LAMP2: variants seen among roughly 807,000 people sequenced by gnomAD.
LAMP2 encodes lysosome associated membrane protein 2, also known as lysosome-associated membrane glycoprotein 2.
A neutral mutation model predicts 25.6 loss-of-function variants in LAMP2; 4 were observed. The ratio of observed to expected loss-of-function variants is 0.16; its 90% CI spans 0.08 to 0.36. The LOEUF is 0.36. LAMP2 is among the 10% of genes least tolerant of loss of function. The pLI is 1.00. For missense variants in LAMP2, 272 were observed against 301.4 expected, an observed-to-expected ratio of 0.90 and a Z score of 0.72; for synonymous variants, 108 against 112.7, an observed-to-expected ratio of 0.96 and a Z score of 0.27.
intron 6 of LAMP2, among the ~76,000 whole-genome samples, chrX:120,445,406 A>G (rs997720632): frequency 8.0e-5 from 9 of 112,890 alleles, no homozygotes; most frequent in Non-Finnish European, 1.3e-4. Flanking sequence ...TACCAAGATC[A>G]CATATGAAAT....
intron 3 of LAMP2, among the ~76,000 whole-genome samples, chrX:120,454,586 C>T (rs191197779): frequency 2.7e-5 from 3 of 109,188 alleles, no homozygotes; most frequent in African/African-American, 6.7e-5. Context: ...GACACCCCCC[C>T]CAACCCCCGA....
intron 3 of LAMP2, among the ~76,000 whole-genome samples, chrX:120,451,963 T>C (rs984580683): frequency 6.3e-5 from 7 of 111,385 alleles, no homozygotes; most frequent in African/African-American, 2.3e-4. Flanking sequence ...AGTTTTTCTA[T>C]CCAAATATGT....
intron 8 of LAMP2, among the ~76,000 whole-genome samples, chrX:120,440,931 C>T (rs1602531640): frequency 8.9e-6 from 1 of 112,113 alleles, no homozygotes; most frequent in Non-Finnish European, 1.9e-5. Context: ...ACAGTATATT[C>T]GCTTTTAAAC....
In LAMP2 at chrX:120,442,577, C is replaced by A. The variant is rs2058578309; in HGVS notation, c.928+22G>T. Reference sequence around the variant, plus strand: ...TTCAGGGTAATCCACAGTCTTTTTCCCCAGGCCAGTGCTTTGCTTACCGGA... The same window carrying A: ...TTCAGGGTAATCCACAGTCTTTTTCACCAGGCCAGTGCTTTGCTTACCGGA... On this transcript the variant is annotated intron_variant, in intron 7 of 8. Transcript: ENST00000200639. 2.6e-6 allele frequency: 3 copies of A among 1,170,586 alleles called. No homozygotes were observed. In the African/African-American group the frequency reaches 5.3e-5, roughly 21 times the overall value.
At chrX:120,459,964 T>C (rs890450217) in intron 1 of LAMP2, among the ~76,000 whole-genome samples, 5 of 111,952 alleles carry the variant, frequency 4.5e-5, no homozygotes, top group Admixed American at 1.9e-4. Context: ...AAAATAAAGC[T>C]AGAGAAAAGA....
intron 8 of LAMP2, chrX:120,437,146 G>A (rs1318609377): frequency 1.3e-6 from 1 of 746,875 alleles, no homozygotes; most frequent in Non-Finnish European, 1.6e-6. Context: ...AGCTCTAAGA[G>A]AGGGGTTAGT....
intron 8 of LAMP2, among the ~76,000 whole-genome samples, chrX:120,434,097 A>G (rs2058533101): frequency 8.9e-6 from 1 of 112,148 alleles, no homozygotes; most frequent in Non-Finnish European, 1.9e-5. Flanking sequence ...ACAATTTCCC[A>G]AATTACCACC....
In LAMP2 at chrX:120,428,608, TCAG is replaced by T; in HGVS notation, c.*2712_*2714del. ...AGGAATAAGAAAGTTGAGGTCAGAG[TCAG>T]CAGAACATTCTTCAGCTGTTAGAAA... On this transcript the variant is annotated 3_prime_UTR_variant, in exon 9 of 9. Transcript: ENST00000200639. 1 of 1,188,377 alleles carries T rather than the reference TCAG, an allele frequency of 8.4e-7. No individual in the cohort carries two copies. The highest frequency in any genetic ancestry group is 1.1e-6 in the Non-Finnish European group (1 of 884,851).
intron 1 of LAMP2, 140 bp downstream of exon 1, chrX:120,468,966 C>T: frequency 5.8e-6 from 4 of 689,981 alleles, no homozygotes; most frequent in Admixed American, 4.6e-5. Flanking sequence ...GCTTGCCTCC[C>T]CGGGCCAACC....
chrX:120,450,732 C>T (rs1297115388), intron 3 of LAMP2, among the ~76,000 whole-genome samples: 2 of 110,460 alleles, frequency 1.8e-5, no homozygotes, highest in African/African-American at 3.3e-5. Context: ...GTATTGTCAA[C>T]GTTTTATCTT....
rs746772969 is a variant in LAMP2 at position 120,447,668 on chromosome X, C to T, written c.741+173G>A. ...GAGTTTGCAGTGAGCTGAGATCGCA[C>T]CACTGCACTCCAGCCTGGGGGACAG... On this transcript the variant is annotated intron_variant, in intron 5 of 8. Coordinates refer to ENST00000200639, the MANE Select transcript of LAMP2 (RefSeq NM_002294.3). 2.7e-5 allele frequency among the ~76,000 whole-genome samples: 3 copies of T among 111,593 alleles called. No individual in the cohort carries two copies. In the East Asian group the frequency reaches 8.4e-4, roughly 31 times the overall value.
intron 1 of LAMP2, among the ~76,000 whole-genome samples, chrX:120,458,937 T>C (rs1452841153): frequency 8.9e-6 from 1 of 112,091 alleles, no homozygotes; most frequent in Non-Finnish European, 1.9e-5. Context: ...AATCCTTAAG[T>C]ACCATTTCCT....
chrX:120,454,734 G>A (rs1476664841), intron 3 of LAMP2, among the ~76,000 whole-genome samples: 2 of 108,896 alleles, frequency 1.8e-5, no homozygotes, highest in South Asian at 3.9e-4. Flanking sequence ...ACACCAGCTC[G>A]CCCACTTACC....
At chrX:120,464,256 G>A (rs1246832802) in intron 1 of LAMP2, among the ~76,000 whole-genome samples, 2 of 111,497 alleles carry the variant, frequency 1.8e-5, no homozygotes, top group Non-Finnish European at 3.8e-5. Flanking sequence ...CACTGATCTT[G>A]AAGTTTTCAA....
Position 120,429,610 on chromosome X carries a change from C to A in LAMP2, c.*1713G>T. On this transcript the variant is annotated 3_prime_UTR_variant, in exon 9 of 9. Transcript: ENST00000200639. The stretch of plus-strand genomic sequence containing the variant: ...TTGGTATATTACTACTGAAAAAGCC[C>A]ATATTAGTATTAAAAAAAAAACTTA... The A allele has an allele frequency of 9.4e-6, 7 of 747,922 alleles. No individual in the cohort carries two copies. The highest frequency in any genetic ancestry group is 1.1e-5 in the Non-Finnish European group (7 of 635,002). 61.6% of individuals were successfully genotyped at this position (747,922 alleles called of 1,213,427 possible). A position where few individuals can be genotyped will look rare whatever the true frequency, so the allele number is the denominator to read the frequency against.
At chrX:120,445,997 T>C (rs1210758606) in intron 6 of LAMP2, among the ~76,000 whole-genome samples, 1 of 111,822 alleles carries the variant, frequency 8.9e-6, no homozygotes, top group Non-Finnish European at 1.9e-5. Context: ...TACTTATGTA[T>C]GGATAGATTA....
intron 2 of LAMP2, among the ~76,000 whole-genome samples, chrX:120,455,866 G>A (rs1445294534): frequency 9.4e-6 from 1 of 106,231 alleles, no homozygotes; most frequent in Non-Finnish European, 1.9e-5. Context: ...AAATAAGAAG[G>A]CAAAGGAATT....
At chrX:120,444,992 TA>T (rs1204072522) in intron 6 of LAMP2, among the ~76,000 whole-genome samples, 2 of 112,268 alleles carry the variant, frequency 1.8e-5, no homozygotes, top group African/African-American at 6.5e-5. Context: ...GCCTGCTGGG[TA>T]AATTAAATAT....
At chrX:120,467,924 G>C (rs894170409) in intron 1 of LAMP2, among the ~76,000 whole-genome samples, 1 of 111,051 alleles carries the variant, frequency 9.0e-6, no homozygotes, top group African/African-American at 3.3e-5. Flanking sequence ...CACGACGCCC[G>C]GCTAATTTTT....
Sources: gnomAD v4.1 joint callset for allele counts (sites outside exome capture counted in the v4.1 genomes callset) on GRCh38, gnomAD v4.1.1 for gene constraint, MANE v1.5 for transcripts, NCBI Gene and HGNC (gene_info 2026-07-23, HGNC 2026-07-21) for gene names.